CD44: variants seen among roughly 807,000 people sequenced by gnomAD.
The protein encoded by CD44 is CD44 antigen.
A neutral mutation model predicts 88.8 loss-of-function variants in CD44; 49 were observed. That is an observed-to-expected ratio of 0.55 (90% CI 0.44 to 0.70). CD44 has a LOEUF of 0.70. Among genes scored for constraint, CD44 ranks in the 30% least tolerant of loss-of-function variants. The probability of loss-of-function intolerance (pLI) is 0.00; values close to 1 mark genes in which losing one functional copy is unlikely to be tolerated. For missense variants in CD44, 883 were observed against 913.8 expected (o/e 0.97, Z 0.43); for synonymous variants, 325 against 312.3 (o/e 1.04, Z -0.43).
rs149768341 is a variant in CD44, at chr11:35,211,322, C to T, written c.1683C>T (p.Thr561=). 2,397 of 1,613,876 alleles carry T rather than the reference C, an allele frequency of 1.5e-3. 5 individuals carry two copies. Among genetic ancestry groups the T allele is most frequent in the Middle Eastern group, 7.8e-3 (47 of 6,058 alleles). The change falls in exon 14 of 18, where the codon ACC becomes ACT. Residue 561 remains threonine, a synonymous_variant. Coordinates refer to ENST00000428726, the MANE Select transcript of CD44 (RefSeq NM_000610.4). ...CAACTACTTTACTGGAAGGTTATAC[C>T]TCTCATTACCCACACACGAAGGAAA... ...EGSTTLLEGY[T]SHYPHTKESR...
In CD44 at chr11:35,165,090, G is replaced by A. The variant is rs571012525; in HGVS notation, c.68-11485G>A. 3.9e-5 allele frequency among the ~76,000 whole-genome samples: 6 copies of A among 152,292 alleles called. No homozygotes were observed. In the South Asian group the frequency reaches 1.2e-3, roughly 32 times the overall value. ...ATGGGGTAGGGTGGGTGCTGGAAGA[G>A]AATGAGCATCTGGTAGATTGAGTCT... On this transcript the variant is annotated intron_variant, in intron 1 of 17. Coordinates refer to ENST00000428726, the MANE Select transcript of CD44 (RefSeq NM_000610.4).
At chr11:35,160,033 C>A (rs1453719187) in intron 1 of CD44, among the ~76,000 whole-genome samples, 2 of 152,202 alleles carry the variant, frequency 1.3e-5, no homozygotes, top group Non-Finnish European at 2.9e-5. Flanking sequence ...CCTCTCCTCA[C>A]TCTCCCCAGG....
intron 1 of CD44, 62 bp downstream of exon 1, chr11:35,139,432 G>A: frequency 1.4e-6 from 2 of 1,451,436 alleles, no homozygotes; most frequent in Non-Finnish European, 1.9e-6. Flanking sequence ...CGGACCCGGC[G>A]GCAGCCCCTC....
At chr11:35,158,438 G>C (rs1008582010) in intron 1 of CD44, among the ~76,000 whole-genome samples, 1 of 152,170 alleles carries the variant, frequency 6.6e-6, no homozygotes, top group Non-Finnish European at 1.5e-5. Flanking sequence ...TAACTTTTCT[G>C]AGCCTCAATT....
Position 35,229,169 on chromosome 11 carries a change from G to A in CD44, c.2065G>A (p.Gly689Arg). The A allele has an allele frequency of 1.2e-6, 2 of 1,614,090 alleles. No homozygotes were observed. Among genetic ancestry groups the A allele is most frequent in the Non-Finnish European group, 1.7e-6 (2 of 1,179,964 alleles). The change falls in exon 18 of 18, where the codon GGA becomes AGA. Residue 689 changes from glycine (G) to arginine (R), a missense_variant. Gly to Arg is a moderately radical substitution (Grantham distance 125). This residue lies in a region of CD44 where 631 missense variants were observed against 590.9 expected (regional missense o/e 1.07). Transcript: ENST00000428726. ...KKKLVINSGNGAVEDRKPSGL... is the reference protein window; with the variant it reads ...KKKLVINSGNRAVEDRKPSGL... ...AAAGCTAGTGATCAACAGTGGCAATGGAGCTGTGGAGGACAGAAAGCCAAG... is the reference window on the plus strand; with the variant it reads ...AAAGCTAGTGATCAACAGTGGCAATAGAGCTGTGGAGGACAGAAAGCCAAG...
chr11:35,154,593 G>A (rs550294685), intron 1 of CD44, among the ~76,000 whole-genome samples: 16 of 152,312 alleles, frequency 1.1e-4, no homozygotes, highest in Middle Eastern at 3.4e-3. Flanking sequence ...TCTTGTAAAT[G>A]AGAATAAAGT....
chr11:35,148,078 C>T (rs993893119), intron 1 of CD44, among the ~76,000 whole-genome samples: 4 of 150,962 alleles, frequency 2.6e-5, no homozygotes, highest in African/African-American at 9.8e-5. Flanking sequence ...GCAACAAGAG[C>T]GAAACTCGGT....
chr11:35,144,083 C>A (rs1353157903), intron 1 of CD44, among the ~76,000 whole-genome samples: 1 of 152,218 alleles, frequency 6.6e-6, no homozygotes, highest in Non-Finnish European at 1.5e-5. Context: ...CTCTAGGTGA[C>A]ATGTGGCCAC....
chr11:35,191,345 C>T (rs1414391899), intron 5 of CD44, among the ~76,000 whole-genome samples: 1 of 152,232 alleles, frequency 6.6e-6, no homozygotes, highest in East Asian at 1.9e-4. Context: ...GTTCCCATCA[C>T]TCCCTGCACA....
intron 1 of CD44, among the ~76,000 whole-genome samples, chr11:35,159,467 T>C: frequency 6.6e-6 from 1 of 152,232 alleles, no homozygotes; most frequent in East Asian, 1.9e-4. Context: ...GATTTTTTCA[T>C]GGTGCAAACA....
At chr11:35,190,265 A>T (rs902556550) in intron 5 of CD44, 200 bp downstream of exon 5, 1 of 594,572 alleles carries the variant, frequency 1.7e-6, no homozygotes, top group African/African-American at 1.9e-5. Flanking sequence ...TTTTTTCCTC[A>T]TCTATAACTG....
At chr11:35,191,177 G>A (rs1158040170) in intron 5 of CD44, among the ~76,000 whole-genome samples, 2 of 152,244 alleles carry the variant, frequency 1.3e-5, no homozygotes, top group East Asian at 3.9e-4. Flanking sequence ...AAATGCGCTG[G>A]CTTGTGAATA....
Position 35,145,521 on chromosome 11 carries a change from G to A in CD44, c.67+6151G>A, listed in dbSNP as rs144816302. On this transcript the variant is annotated intron_variant, in intron 1 of 17. Transcript: ENST00000428726. ...GCTTTGGTGGCTGCCTGCTGTGACC[G>A]CTGGGGACATCTGGCTAAAGACAGG... is the stretch of plus-strand genomic sequence containing the variant. Among the ~76,000 whole-genome samples, 36 of 152,114 alleles carry A rather than the reference G, an allele frequency of 2.4e-4. No individual in the cohort carries two copies. In the East Asian group the frequency reaches 4.8e-3, roughly 20 times the overall value.
At position 35,221,237 on chromosome 11, in the gene CD44, C is replaced by T. The variant is rs573241308; in HGVS notation, c.1946-417C>T. ...ATTTATTTAACCAATCCTTTATTGC[C>T]TCCATTTTTGTTTTTTAATACAATG... is the stretch of plus-strand genomic sequence containing the variant. On this transcript the variant is annotated intron_variant, in intron 16 of 17. Coordinates refer to ENST00000428726, the MANE Select transcript of CD44 (RefSeq NM_000610.4). Among the ~76,000 whole-genome samples the T allele has an allele frequency of 8.7e-4, 133 of 152,224 alleles. 2 individuals are homozygous for T. The South Asian group carries it at 0.011, about 13-fold the overall frequency.
chr11:35,228,173 T>C (rs771245014), intron 17 of CD44, among the ~76,000 whole-genome samples: 15 of 152,138 alleles, frequency 9.9e-5, no homozygotes, highest in Non-Finnish European at 1.8e-4. Context: ...GGTGAAGCAA[T>C]GGACAGTAAC....
chr11:35,215,867 G>T (rs958154771), intron 15 of CD44, among the ~76,000 whole-genome samples: 1 of 150,656 alleles, frequency 6.6e-6, no homozygotes, highest in South Asian at 2.1e-4. Context: ...GCAAGACTCT[G>T]TCTCAAAAAA....
chr11:35,205,264 C>T (rs1034691612), intron 10 of CD44, among the ~76,000 whole-genome samples: 1 of 152,172 alleles, frequency 6.6e-6, no homozygotes, highest in Non-Finnish European at 1.5e-5. Flanking sequence ...AGCTCCCATG[C>T]AGGATTCTTT....
chr11:35,149,304 G>A (rs1255535533), intron 1 of CD44, among the ~76,000 whole-genome samples: 1 of 152,180 alleles, frequency 6.6e-6, no homozygotes, highest in Non-Finnish European at 1.5e-5. Flanking sequence ...TCAGATGCTT[G>A]GTGTGGTGTA....
At chr11:35,220,720 T>C (rs1419083420) in intron 16 of CD44, among the ~76,000 whole-genome samples, 4 of 150,546 alleles carry the variant, frequency 2.7e-5, no homozygotes, top group African/African-American at 4.9e-5. Context: ...TTATTATCAA[T>C]CTCACCATCC....
Sources: gnomAD v4.1 joint callset for allele counts (sites outside exome capture counted in the v4.1 genomes callset) on GRCh38, gnomAD v4.1.1 for gene constraint, gnomAD v4.1.1 regional missense constraint, MANE v1.5 for transcripts, NCBI Gene and HGNC (gene_info 2026-07-23, HGNC 2026-07-21) for gene names.